The following LRP6 variants were observed in gnomAD, a reference collection of about 807,000 sequenced individuals.
The protein encoded by LRP6 is LDL receptor related protein 6, also known as low-density lipoprotein receptor-related protein 6.
Under a neutral mutation model 184.1 loss-of-function variants are expected in LRP6, and 43 were observed. That is an observed-to-expected ratio of 0.23 (90% CI 0.18 to 0.30). The LOEUF (loss-of-function observed/expected upper bound fraction) is 0.30. Among genes scored for constraint, LRP6 ranks in the 10% least tolerant of loss-of-function variants. The probability of loss-of-function intolerance (pLI) is 1.00; values close to 1 mark genes in which losing one functional copy is unlikely to be tolerated. For synonymous variants in LRP6, 719 were observed against 684.9 expected (o/e 1.05, Z -0.78); for missense variants, 1,571 against 2,005.3 (o/e 0.78, Z 4.14).
At chr12:12,227,284 T>C (rs1199643262) in intron 2 of LRP6, among the ~76,000 whole-genome samples, 1 of 152,170 alleles carries the variant, frequency 6.6e-6, no homozygotes, top group Non-Finnish European at 1.5e-5. Context: ...ACCTGCGTTT[T>C]AAGAAATGTT....
chr12:12,264,514 C>A (rs1475003595), intron 1 of LRP6, among the ~76,000 whole-genome samples: 2 of 152,104 alleles, frequency 1.3e-5, no homozygotes, highest in African/African-American at 2.4e-5. Flanking sequence ...GCTACTAATT[C>A]AACAGGGCTA....
chr12:12,223,774 G>A (rs888654003), intron 2 of LRP6, among the ~76,000 whole-genome samples: 3 of 152,126 alleles, frequency 2.0e-5, no homozygotes, highest in Non-Finnish European at 2.9e-5. Context: ...TGGACTAAAC[G>A]CTGATGTCTC....
intron 15 of LRP6, among the ~76,000 whole-genome samples, chr12:12,144,743 A>G (rs544668653): frequency 3.5e-4 from 53 of 152,060 alleles, no homozygotes; most frequent in African/African-American, 1.3e-3. Context: ...ATAAAAAAGG[A>G]TAAGTTCATG....
At chr12:12,243,773 CAA>C (rs1269273724) in intron 2 of LRP6, among the ~76,000 whole-genome samples, 1 of 152,122 alleles carries the variant, frequency 6.6e-6, no homozygotes, top group Non-Finnish European at 1.5e-5. Context: ...TTTTTTGAGA[CAA>C]AGTCTCACTC....
intron 2 of LRP6, among the ~76,000 whole-genome samples, chr12:12,220,223 G>A (rs1346242637): frequency 6.6e-6 from 1 of 151,958 alleles, no homozygotes; most frequent in Non-Finnish European, 1.5e-5. Flanking sequence ...AGGAAGCAGA[G>A]GTTGCAGTGA....
At chr12:12,227,635 C>A (rs1330858564) in intron 2 of LRP6, among the ~76,000 whole-genome samples, 8 of 152,096 alleles carry the variant, frequency 5.3e-5, no homozygotes, top group Non-Finnish European at 8.8e-5. Context: ...TCTCGAACTC[C>A]TGACCTCAGG....
chr12:12,129,105 T>G (rs1363122753), intron 19 of LRP6, among the ~76,000 whole-genome samples: 1 of 152,230 alleles, frequency 6.6e-6, no homozygotes, highest in Non-Finnish European at 1.5e-5. Flanking sequence ...GGGTAAATAT[T>G]TAAGTGTTGT....
chr12:12,125,508 A>G, intron 20 of LRP6, 76 bp from the exon 21 acceptor site: 1 of 1,290,628 alleles, frequency 7.7e-7, no homozygotes. Flanking sequence ...ATTCAACAGT[A>G]GGATTACAAA....
intron 17 of LRP6, among the ~76,000 whole-genome samples, chr12:12,133,505 G>A (rs999030685): frequency 3.3e-5 from 5 of 152,000 alleles, no homozygotes; most frequent in Admixed American, 3.3e-4. Flanking sequence ...AGTTTCCTGA[G>A]GCCTATCCAG....
At chr12:12,219,056 G>A (rs1864420888) in intron 2 of LRP6, among the ~76,000 whole-genome samples, 1 of 123,766 alleles carries the variant, frequency 8.1e-6, no homozygotes, top group Non-Finnish European at 1.8e-5. Context: ...TGGCCGACAT[G>A]GTGAAATCGC....
intron 2 of LRP6, among the ~76,000 whole-genome samples, chr12:12,222,896 T>C (rs1204309606): frequency 1.3e-5 from 2 of 152,046 alleles, no homozygotes; most frequent in African/African-American, 4.8e-5. Context: ...CACTAACGAA[T>C]ATTTCTAGGA....
At chr12:12,142,154 A>G (rs1949943342) in intron 15 of LRP6, among the ~76,000 whole-genome samples, 1 of 152,208 alleles carries the variant, frequency 6.6e-6, no homozygotes, top group African/African-American at 2.4e-5. Flanking sequence ...GTAGAGCAGT[A>G]GGCTTGTTTT....
In LRP6 at chr12:12,199,128, A is replaced by AT. The variant is rs201189507; in HGVS notation, c.647+4074dup. 1.8e-3 allele frequency among the ~76,000 whole-genome samples: 279 copies of AT among 151,692 alleles called. 2 individuals are homozygous for AT. Among genetic ancestry groups the AT allele is most frequent in the Non-Finnish European group, 3.1e-3 (211 of 67,882 alleles). On this transcript the variant is annotated intron_variant, in intron 3 of 22. Transcript: ENST00000261349. ...GCAAAGAATGGGCTATTTAAGCACC[A>AT]TTTAAAAAAAAAAAAGGAGCACAAA...
At position 12,244,426 on chromosome 12, in the gene LRP6, C is replaced by G. The variant is rs1180128913; in HGVS notation, c.285G>C (p.Leu95Phe). 6.2e-7 allele frequency: 1 copy of G among 1,614,052 alleles called. No homozygotes were observed. The highest frequency in any genetic ancestry group is 2.2e-5 in the East Asian group (1 of 44,890). Residue 95 changes from leucine (L) to phenylalanine (F), a missense_variant, in exon 2 of 23, where the codon TTG (leucine) becomes TTC (phenylalanine). Leu to Phe is a conservative substitution (Grantham distance 22, BLOSUM62 0). Around this residue, in one of 4 missense-constraint regions of LRP6, gnomAD observed 640 missense variants for 851.9 expected, o/e 0.75. Transcript: ENST00000261349. Reference protein sequence around the residue: ...SVQNVVVSGLLSPDGLACDWL... With the variant: ...SVQNVVVSGLFSPDGLACDWL... The stretch of plus-strand genomic sequence containing the variant: ...AATCACATGCCAGCCCATCGGGGGA[C>G]AATAATCCAGAAACAACAACATTCT...
chr12:12,158,819 T>C lies in LRP6; in HGVS notation c.2791+10A>G, dbSNP rs1378084324. On this transcript the variant is annotated intron_variant, in intron 12 of 22. Coordinates refer to ENST00000261349, the MANE Select transcript of LRP6 (RefSeq NM_002336.3). ...CATTCTAGCTTGCTTTGGAGGGAAA[T>C]GCAGCTTACCACTACAAGTCCTGTT... The C allele has an allele frequency of 1.2e-5, 20 of 1,613,428 alleles. No homozygotes were observed. The highest frequency in any genetic ancestry group is 1.7e-5 in the Non-Finnish European group (20 of 1,179,588).
intron 20 of LRP6, among the ~76,000 whole-genome samples, chr12:12,126,074 AT>A (rs1212284701): frequency 6.6e-6 from 1 of 152,166 alleles, no homozygotes; most frequent in Non-Finnish European, 1.5e-5. Context: ...CCTTCTCCAT[AT>A]TCATTAAAAG....
At chr12:12,165,324 G>T in intron 7 of LRP6, 29 bp from the exon 8 acceptor site, 2 of 1,432,168 alleles carry the variant, frequency 1.4e-6, no homozygotes, top group South Asian at 2.3e-5. Context: ...AAGAGAAGGG[G>T]ATGAATTATG....
intron 3 of LRP6, 175 bp from the exon 4 acceptor site, chr12:12,187,294 A>T (rs914245216): frequency 3.1e-6 from 2 of 640,976 alleles, no homozygotes; most frequent in East Asian, 5.5e-5. Context: ...GAATTCATAT[A>T]TATTTTTAAG....
intron 3 of LRP6, among the ~76,000 whole-genome samples, chr12:12,195,563 T>C (rs115498303): frequency 0.01 from 1,535 of 152,282 alleles, 26 homozygotes; most frequent in African/African-American, 0.035. Context: ...GCTGTTGAAC[T>C]GTTTGAGTTC....
Sources: allele counts gnomAD v4.1 joint callset (sites outside exome capture counted in the v4.1 genomes callset), GRCh38; gene constraint gnomAD v4.1.1; regional missense constraint gnomAD v4.1.1; transcripts MANE v1.5; gene names NCBI Gene and HGNC (gene_info 2026-07-23, HGNC 2026-07-21).